HDAC4: variants seen among roughly 807,000 people sequenced by gnomAD.
HDAC4 encodes the protein histone deacetylase A.
A neutral mutation model predicts 135.1 loss-of-function variants in HDAC4; 16 were observed. The ratio of observed to expected loss-of-function variants is 0.12; its 90% CI spans 0.08 to 0.18. The LOEUF (loss-of-function observed/expected upper bound fraction) is 0.18. HDAC4 is among the 10% of genes least tolerant of loss of function. The pLI, the probability that HDAC4 is intolerant of heterozygous loss-of-function variation, is 1.00. For missense variants in HDAC4, 1,143 were observed against 1,511.8 expected (o/e 0.76, Z 4.05); for synonymous variants, 685 against 653.4 (o/e 1.05, Z -0.74).
chr2:239,119,912 G>A (rs989591285), intron 12 of HDAC4, among the ~76,000 whole-genome samples: 9 of 151,558 alleles, frequency 5.9e-5, no homozygotes, highest in East Asian at 2.0e-4. Context: ...TGGGTCCAGC[G>A]GCAGTGGGGA....
At chr2:239,274,042 A>G (rs2050209367) in intron 2 of HDAC4, among the ~76,000 whole-genome samples, 2 of 152,352 alleles carry the variant, frequency 1.3e-5, no homozygotes, top group African/African-American at 4.8e-5. Context: ...GGAACAATAC[A>G]GTGAGGCAGG....
rs574589421 is a variant in HDAC4, at chr2:239,324,251, C to G, written c.22+28427G>C. ...AAGGCAAAAATGTAGCCACAATTAG[C>G]TGAAAGAAACACAGCCCTGAGCCAT... On this transcript the variant is annotated intron_variant, in intron 2 of 26. Transcript: ENST00000543185. 5.9e-5 allele frequency among the ~76,000 whole-genome samples: 9 copies of G among 152,290 alleles called. No homozygotes were observed. The East Asian group carries it at 1.7e-3, about 29-fold the overall frequency.
At chr2:239,290,644 CACA>C (rs1360668166) in intron 2 of HDAC4, among the ~76,000 whole-genome samples, 3 of 152,162 alleles carry the variant, frequency 2.0e-5, no homozygotes, top group East Asian at 1.9e-4. Flanking sequence ...TGTACGCACA[CACA>C]ACCACACATG....
intron 1 of HDAC4, among the ~76,000 whole-genome samples, chr2:239,369,591 T>C (rs1448481581): frequency 6.6e-6 from 1 of 152,242 alleles, no homozygotes; most frequent in Non-Finnish European, 1.5e-5. Flanking sequence ...AAATTAAAAC[T>C]GCTGCAGATA....
intron 2 of HDAC4, among the ~76,000 whole-genome samples, chr2:239,335,987 C>G (rs1575710821): frequency 1.3e-5 from 2 of 152,162 alleles, no homozygotes. Flanking sequence ...AAAATGTCAT[C>G]AGCAATTGAA....
intron 1 of HDAC4, among the ~76,000 whole-genome samples, chr2:239,384,747 C>T (rs1048807827): frequency 6.6e-6 from 1 of 152,196 alleles, no homozygotes; most frequent in East Asian, 1.9e-4. Flanking sequence ...CCATATACCC[C>T]ACGGCTCTGT....
intron 3 of HDAC4, chr2:239,191,125 C>A (rs2044919983): frequency 1.2e-5 from 5 of 409,414 alleles, no homozygotes; most frequent in South Asian, 8.6e-5. Flanking sequence ...TCAGAAAGCT[C>A]CCCATAACCA....
intron 3 of HDAC4, among the ~76,000 whole-genome samples, chr2:239,235,962 C>A (rs924703543): frequency 3.3e-5 from 5 of 152,166 alleles, no homozygotes; most frequent in African/African-American, 1.2e-4. Context: ...ATCGCTTGAA[C>A]CCGGGAGGTG....
chr2:239,192,670 T>A (rs2153050657), intron 3 of HDAC4, among the ~76,000 whole-genome samples: 1 of 152,272 alleles, frequency 6.6e-6, no homozygotes, highest in Non-Finnish European at 1.5e-5. Flanking sequence ...ACTGTCAGGT[T>A]GCGGTTCCCT....
intron 19 of HDAC4, among the ~76,000 whole-genome samples, chr2:239,086,692 T>G (rs892283133): frequency 1.3e-5 from 2 of 152,234 alleles, no homozygotes; most frequent in African/African-American, 2.4e-5. Context: ...TTGTTCTGAC[T>G]GCTTCCTGGC....
At chr2:239,211,929 C>T (rs1027582524) in intron 3 of HDAC4, among the ~76,000 whole-genome samples, 2 of 152,102 alleles carry the variant, frequency 1.3e-5, no homozygotes, top group African/African-American at 2.4e-5. Context: ...GCCCTGCAGA[C>T]GCTGAATTTA....
In HDAC4 at chr2:239,245,693, T is replaced by C. The variant is rs373119056; in HGVS notation, c.23-9029A>G. Among the ~76,000 whole-genome samples the C allele has an allele frequency of 5.2e-4, 79 of 152,226 alleles. 1 individual carries two copies. The highest frequency in any genetic ancestry group is 1.8e-3 in the African/African-American group (75 of 41,516). On this transcript the variant is annotated intron_variant, in intron 2 of 26. Transcript: ENST00000543185. This position sits in a 1 kb window ranked among gnomAD's most constrained non-coding sequence, Gnocchi z 4.4. ...TGTGGGCACTCGCTCTATGCACTGG[T>C]CTCTTTCCTTTCATATATCTTTGAA...
intron 7 of HDAC4, among the ~76,000 whole-genome samples, chr2:239,148,454 C>T (rs566387893): frequency 1.6e-4 from 24 of 152,240 alleles, no homozygotes; most frequent in African/African-American, 3.4e-4. Flanking sequence ...GAGCTGGACA[C>T]GGAGGCCAAG....
intron 1 of HDAC4, among the ~76,000 whole-genome samples, chr2:239,391,516 T>C (rs1696211595): frequency 1.3e-5 from 2 of 152,128 alleles, no homozygotes; most frequent in Non-Finnish European, 1.5e-5. Flanking sequence ...GAGAGGGCTG[T>C]GTGTCCTCAG....
At chr2:239,275,416 A>G (rs758976940) in intron 2 of HDAC4, among the ~76,000 whole-genome samples, 6 of 152,234 alleles carry the variant, frequency 3.9e-5, no homozygotes, top group Non-Finnish European at 7.4e-5. Flanking sequence ...CTGATTCACC[A>G]AGAAACGGCT....
At position 239,190,184 on chromosome 2, in the gene HDAC4, G is replaced by GGGGGGGC; in HGVS notation, c.95-108_95-107insGCCCCCC. ...GCCACCTTCACGGGGCGGGGGGGGG[G>GGGGGGGC]TTGTGACCATTTGAGGATTGGATAC... On this transcript the variant is annotated intron_variant, in intron 3 of 26. Transcript: ENST00000543185. 2.1e-5 allele frequency: 26 copies of GGGGGGGC among 1,244,918 alleles called. No individual in the cohort carries two copies. The East Asian group carries it at 2.7e-4, about 13-fold the overall frequency. 77.1% of individuals were successfully genotyped at this position (1,244,918 alleles called of 1,614,324 possible). A position where few individuals can be genotyped will look rare whatever the true frequency, so the allele number is the denominator to read the frequency against.
chr2:239,101,804 G>A (rs897393390), intron 16 of HDAC4, among the ~76,000 whole-genome samples: 5 of 151,362 alleles, frequency 3.3e-5, no homozygotes, highest in East Asian at 2.0e-4. Flanking sequence ...GGAAGCCCCC[G>A]ACCCTGGGTC....
rs1156587735 is a variant in HDAC4, at chr2:239,167,547, T to C, written c.491-3624A>G. Among the ~76,000 whole-genome samples, 1 of 152,182 alleles carries C rather than the reference T, an allele frequency of 6.6e-6. No individual in the cohort carries two copies. Among genetic ancestry groups the C allele is most frequent in the Non-Finnish European group, 1.5e-5 (1 of 68,038 alleles). The stretch of plus-strand genomic sequence containing the variant: ...TTCTAACCACCAAGGAATCTTCTTT[T>C]GATCTTTCAGACTTTACTAGGAGAG... On this transcript the variant is annotated intron_variant, in intron 5 of 26. Coordinates refer to ENST00000543185, the MANE Select transcript of HDAC4 (RefSeq NM_001378414.1). This position sits in a 1 kb window ranked among gnomAD's most constrained non-coding sequence, Gnocchi z 4.1.
At chr2:239,279,337 C>A (rs997212950) in intron 2 of HDAC4, among the ~76,000 whole-genome samples, 1 of 152,236 alleles carries the variant, frequency 6.6e-6, no homozygotes, top group Non-Finnish European at 1.5e-5. Flanking sequence ...CAAACTGGCA[C>A]CAGGCACTAA....
Sources: allele counts gnomAD v4.1 joint callset (sites outside exome capture counted in the v4.1 genomes callset), GRCh38; gene constraint gnomAD v4.1.1; non-coding constraint Gnocchi (gnomAD v3.1); transcripts MANE v1.5; gene names NCBI Gene and HGNC (gene_info 2026-07-23, HGNC 2026-07-21).